AKT3: variants seen among roughly 807,000 people sequenced by gnomAD.
AKT3 encodes the protein AKT serine/threonine kinase 3, also known as RAC-gamma serine/threonine-protein kinase.
In AKT3, 15 loss-of-function variants were observed where a neutral mutation model predicts 65.3. The ratio of observed to expected loss-of-function variants is 0.23; its 90% CI spans 0.15 to 0.35. The LOEUF (loss-of-function observed/expected upper bound fraction) is 0.35. Among genes scored for constraint, AKT3 ranks in the 10% least tolerant of loss-of-function variants. The pLI is 1.00. For synonymous variants in AKT3, 206 were observed against 183.8 expected (o/e 1.12, Z -0.98); for missense variants, 243 against 576.5 (o/e 0.42, Z 5.92).
intron 8 of AKT3, among the ~76,000 whole-genome samples, chr1:243,596,870 T>C (rs1478331657): frequency 6.6e-6 from 1 of 152,046 alleles, no homozygotes; most frequent in Non-Finnish European, 1.5e-5. Flanking sequence ...ATAAAAGAAA[T>C]AAATGACTGA....
At chr1:243,830,680 T>C (rs536814093) in intron 2 of AKT3, among the ~76,000 whole-genome samples, 11 of 152,180 alleles carry the variant, frequency 7.2e-5, no homozygotes, top group Admixed American at 1.3e-4. Flanking sequence ...AGATTCTTCT[T>C]ATAGGCTTAG....
intron 2 of AKT3, among the ~76,000 whole-genome samples, chr1:243,763,321 T>G (rs1258373377): frequency 6.6e-6 from 1 of 152,104 alleles, no homozygotes; most frequent in Non-Finnish European, 1.5e-5. Context: ...TTTCAGAGAA[T>G]CCTGCTGTCT....
intron 11 of AKT3, among the ~76,000 whole-genome samples, chr1:243,547,456 C>T (rs1211897327): frequency 6.6e-6 from 1 of 152,102 alleles, no homozygotes; most frequent in Non-Finnish European, 1.5e-5. Context: ...TATATGCTAA[C>T]TCCAAAACAC....
At chr1:243,682,428 T>C (rs1332140443) in intron 3 of AKT3, among the ~76,000 whole-genome samples, 2 of 152,182 alleles carry the variant, frequency 1.3e-5, no homozygotes, top group Non-Finnish European at 2.9e-5. Context: ...GGAGTATTTA[T>C]TTGTCAGTAA....
At chr1:243,777,912 T>G (rs1255054215) in intron 2 of AKT3, among the ~76,000 whole-genome samples, 1 of 152,160 alleles carries the variant, frequency 6.6e-6, no homozygotes, top group South Asian at 2.1e-4. Context: ...CTGTTTTTCC[T>G]TTTCTCCCTG....
chr1:243,649,327 GT>G (rs1681097502), intron 4 of AKT3, among the ~76,000 whole-genome samples: 2 of 148,276 alleles, frequency 1.3e-5, no homozygotes, highest in Non-Finnish European at 3.0e-5. Context: ...GTGTGTGTGT[GT>G]GTGTGTGTGT....
At chr1:243,771,299 T>C (rs1690170779) in intron 2 of AKT3, among the ~76,000 whole-genome samples, 1 of 152,140 alleles carries the variant, frequency 6.6e-6, no homozygotes, top group South Asian at 2.1e-4. Flanking sequence ...AATTACATCA[T>C]GTTTGCCTCC....
At chr1:243,722,562 C>T (rs1229771714) in intron 2 of AKT3, among the ~76,000 whole-genome samples, 1 of 152,074 alleles carries the variant, frequency 6.6e-6, no homozygotes, top group Admixed American at 6.6e-5. Flanking sequence ...AAAGAAGGCC[C>T]TTATAATACA....
chr1:243,519,890 A>C (rs1470777379), intron 12 of AKT3, among the ~76,000 whole-genome samples: 1 of 152,240 alleles, frequency 6.6e-6, no homozygotes, highest in East Asian at 1.9e-4. Flanking sequence ...GGATGAACTA[A>C]CTAGCTGGTA....
chr1:243,609,504 A>T (rs1677706300), intron 8 of AKT3, among the ~76,000 whole-genome samples: 1 of 152,136 alleles, frequency 6.6e-6, no homozygotes, highest in African/African-American at 2.4e-5. Flanking sequence ...CTAAAAATAC[A>T]AAAATTAGCC....
chr1:243,613,788 A>C (rs747516585), intron 7 of AKT3, 49 bp from the exon 8 acceptor site: 3 of 1,171,078 alleles, frequency 2.6e-6, no homozygotes, highest in Non-Finnish European at 1.2e-6. Context: ...CTGTATTCTT[A>C]TAATTATAAT....
chr1:243,679,048 T>C (rs543834870), intron 3 of AKT3, among the ~76,000 whole-genome samples: 1 of 152,258 alleles, frequency 6.6e-6, no homozygotes, highest in South Asian at 2.1e-4. Flanking sequence ...AAGAAGACAA[T>C]GAGGATGAAG....
At chr1:243,583,806 G>T (rs1037289036) in intron 8 of AKT3, among the ~76,000 whole-genome samples, 1 of 151,994 alleles carries the variant, frequency 6.6e-6, no homozygotes, top group Non-Finnish European at 1.5e-5. Flanking sequence ...AAATTCCAGG[G>T]ACGCAGCAAA....
chr1:243,734,641 G>C (rs772987490), intron 2 of AKT3, among the ~76,000 whole-genome samples: 3 of 152,284 alleles, frequency 2.0e-5, no homozygotes, highest in Admixed American at 6.5e-5. Flanking sequence ...TCACTGGTGA[G>C]TGAATATGAA....
chr1:243,571,640 T>A (rs1053464444), intron 9 of AKT3, among the ~76,000 whole-genome samples: 2 of 152,186 alleles, frequency 1.3e-5, no homozygotes, highest in African/African-American at 2.4e-5. Context: ...TCTAAGTATA[T>A]TTGGAAAGTT....
chr1:243,633,855 AAAC>A (rs1679784665), intron 6 of AKT3, among the ~76,000 whole-genome samples: 1 of 152,164 alleles, frequency 6.6e-6, no homozygotes. Context: ...TCGATTAAAC[AAAC>A]AATAAGAATG....
At position 243,540,716 on chromosome 1, in the gene AKT3, G is replaced by A. The variant is rs139325084; in HGVS notation, c.1251+4794C>T. Among the ~76,000 whole-genome samples, 963 of 152,112 alleles carry A rather than the reference G, an allele frequency of 6.3e-3. 7 individuals carry two copies. The highest frequency in any genetic ancestry group is 0.014 in the Middle Eastern group (4 of 294). ...CTGCCTAGTCCAGGACCCAACCCAG[G>A]ATCCCACATCGCAGTTAAGTCATCA... is the stretch of plus-strand genomic sequence containing the variant. On this transcript the variant is annotated intron_variant, in intron 12 of 13. Coordinates refer to ENST00000673466, the MANE Select transcript of AKT3 (RefSeq NM_005465.7).
chr1:243,728,025 A>G (rs7514510), intron 2 of AKT3, among the ~76,000 whole-genome samples: 131,502 of 152,152 alleles, frequency 0.86, 56,945 homozygotes, highest in African/African-American at 0.9. Flanking sequence ...ATAGTTTAAC[A>G]GAAACCACAT....
chr1:243,806,319 C>T (rs1162546956), intron 2 of AKT3, among the ~76,000 whole-genome samples: 1 of 151,922 alleles, frequency 6.6e-6, no homozygotes, highest in Admixed American at 6.6e-5. Flanking sequence ...TCTTTAGTTG[C>T]TATAACATGA....
Sources: allele counts gnomAD v4.1 joint callset (sites outside exome capture counted in the v4.1 genomes callset), GRCh38; gene constraint gnomAD v4.1.1; transcripts MANE v1.5; gene names NCBI Gene and HGNC (gene_info 2026-07-23, HGNC 2026-07-21).